Variants in VPS13B observed in about 807,000 individuals in gnomAD.
The protein encoded by VPS13B is vacuolar protein sorting 13 homolog B, also known as intermembrane lipid transfer protein VPS13B.
VPS13B carries 285 observed loss-of-function variants against 426.4 expected under a neutral mutation model. That is an observed-to-expected ratio of 0.67 (90% CI 0.61 to 0.74). VPS13B has a LOEUF of 0.74. Among genes scored for constraint, VPS13B ranks in the 30% least tolerant of loss-of-function variants. VPS13B has a pLI of 0.00. For synonymous variants in VPS13B, 1,676 were observed against 1,676.4 expected (o/e 1.00, Z 0.01); for missense variants, 4,537 against 4,782.6 (o/e 0.95, Z 1.51).
chr8:99,868,009 ACT>A (rs1435908077), intron 58 of VPS13B: 2 of 400,792 alleles, frequency 5.0e-6, no homozygotes, highest in East Asian at 1.2e-4. Context: ...TATGGATGAC[ACT>A]CTGAATAGCC....
At chr8:99,347,104 T>C (rs932943331) in intron 19 of VPS13B, 1 of 152,972 alleles carries the variant, frequency 6.5e-6, no homozygotes, top group African/African-American at 2.4e-5. Flanking sequence ...TGCTCAATAT[T>C]AGTGTAGATC....
intron 56 of VPS13B, among the ~76,000 whole-genome samples, chr8:99,856,102 C>T (rs936681031): frequency 1.3e-5 from 2 of 152,240 alleles, no homozygotes; most frequent in African/African-American, 4.8e-5. Flanking sequence ...ACGGGCCCTG[C>T]AGCCCGTGTG....
intron 21 of VPS13B, among the ~76,000 whole-genome samples, chr8:99,407,288 G>C (rs1371230402): frequency 6.6e-6 from 1 of 152,066 alleles, no homozygotes; most frequent in Non-Finnish European, 1.5e-5. Context: ...AAAGGTATAT[G>C]TAAATTTATG....
chr8:99,344,715 CT>C (rs1347453941), intron 19 of VPS13B, among the ~76,000 whole-genome samples: 2 of 150,918 alleles, frequency 1.3e-5, no homozygotes, highest in South Asian at 4.2e-4. Flanking sequence ...AGATGTTCCT[CT>C]TTTTTTTTCC....
intron 51 of VPS13B, among the ~76,000 whole-genome samples, chr8:99,830,534 G>A (rs1032979521): frequency 1.3e-5 from 2 of 152,158 alleles, no homozygotes; most frequent in African/African-American, 2.4e-5. Flanking sequence ...AGCCTGCTGG[G>A]CTCCCTGGGG....
At chr8:99,164,326 A>G (rs896435530) in intron 15 of VPS13B, among the ~76,000 whole-genome samples, 2 of 152,174 alleles carry the variant, frequency 1.3e-5, no homozygotes, top group African/African-American at 4.8e-5. Context: ...AGAGGTTGGT[A>G]TAAGTATTTG....
At chr8:99,196,808 A>G (rs1813963711) in intron 17 of VPS13B, among the ~76,000 whole-genome samples, 2 of 152,246 alleles carry the variant, frequency 1.3e-5, no homozygotes, top group South Asian at 2.1e-4. Flanking sequence ...TTCTATTACA[A>G]TGCCTTTTCT....
chr8:99,318,496 A>G (rs1809791144), intron 19 of VPS13B, among the ~76,000 whole-genome samples: 1 of 152,134 alleles, frequency 6.6e-6, no homozygotes, highest in African/African-American at 2.4e-5. Flanking sequence ...ATATCCTGTC[A>G]TTGAGAGTAA....
At chr8:99,588,813 C>G (rs190230830) in intron 33 of VPS13B, among the ~76,000 whole-genome samples, 56 of 151,874 alleles carry the variant, frequency 3.7e-4, no homozygotes, top group Admixed American at 2.6e-3. Flanking sequence ...ATTTCTTTCT[C>G]TTGCCTGATT....
At chr8:99,495,103 C>T (rs1408552636) in intron 25 of VPS13B, among the ~76,000 whole-genome samples, 1 of 152,104 alleles carries the variant, frequency 6.6e-6, no homozygotes, top group African/African-American at 2.4e-5. Context: ...CCATTCATCA[C>T]TCATTATCTT....
chr8:99,599,618 C>A (rs1328409608), intron 33 of VPS13B, among the ~76,000 whole-genome samples: 1 of 152,052 alleles, frequency 6.6e-6, no homozygotes, highest in Non-Finnish European at 1.5e-5. Flanking sequence ...AAGGAATAGA[C>A]TTTTAAGAAA....
intron 59 of VPS13B, 130 bp from the exon 60 acceptor site, chr8:99,870,655 C>A: frequency 1.3e-6 from 1 of 798,368 alleles, no homozygotes; most frequent in Non-Finnish European, 2.2e-6. Context: ...TATACGCTTG[C>A]TTCCAAAGAT....
Position 99,870,873 on chromosome 8 carries a change from T to A in VPS13B, c.11481T>A (p.His3827Gln). The change falls in exon 60 of 62, where the codon CAT becomes CAA. Residue 3827 changes from histidine (H) to glutamine (Q), a missense_variant. By Grantham distance (24) the His-to-Gln change is conservative. Coordinates refer to ENST00000357162, the MANE Select transcript of VPS13B (RefSeq NM_152564.5). ...DLHADQAPNS[H>Q]VKYVWKMLQS... ...ATGCTGACCAGGCTCCAAACAGCCA[T>A]GTCAAATATGTCTGGTAAAATTATT... 1.9e-6 allele frequency: 3 copies of A among 1,614,166 alleles called. No homozygotes were observed. Among genetic ancestry groups the A allele is most frequent in the African/African-American group, 1.3e-5 (1 of 75,066 alleles).
In VPS13B at chr8:99,823,910, A is replaced by C; in HGVS notation, c.9262A>C (p.Asn3088His). 6.2e-7 allele frequency: 1 copy of C among 1,613,642 alleles called. No individual in the cohort carries two copies. Among genetic ancestry groups the C allele is most frequent in the Non-Finnish European group, 8.5e-7 (1 of 1,179,824 alleles). Residue 3088 changes from asparagine to histidine, a missense_variant, in exon 51 of 62, where the codon AAT becomes CAT. Physicochemically the swap from Asn to His is moderately conservative, Grantham distance 68. This residue lies in a region of VPS13B where 4,311 missense variants were observed against 4,474.3 expected (regional missense o/e 0.96). Transcript: ENST00000357162. The part of the protein sequence containing the change: ...IQIEDKTTII[N>H]NTPYQIFYKP... ...GATTGAAGACAAGACTACAATAATC[A>C]ATAATACACCATATCAAATATTTTA...
intron 23 of VPS13B, among the ~76,000 whole-genome samples, chr8:99,445,294 A>G (rs1817859901): frequency 6.7e-6 from 1 of 149,236 alleles, no homozygotes; most frequent in Admixed American, 6.7e-5. Flanking sequence ...GCAAGACTTC[A>G]TCTCTACAAA....
chr8:99,381,833 A>G (rs1349149263), intron 19 of VPS13B, among the ~76,000 whole-genome samples: 1 of 151,952 alleles, frequency 6.6e-6, no homozygotes, highest in African/African-American at 2.4e-5. Context: ...GAGTTTGCAA[A>G]AATTTTCTCC....
rs368506604 is a variant in VPS13B at position 99,622,811 on chromosome 8, C to T, written c.5221-19000C>T. 1.7e-4 allele frequency among the ~76,000 whole-genome samples: 26 copies of T among 152,198 alleles called. No individual in the cohort carries two copies. In the East Asian group the frequency reaches 3.7e-3, roughly 22 times the overall value. On this transcript the variant is annotated intron_variant, in intron 33 of 61. Coordinates refer to ENST00000357162, the MANE Select transcript of VPS13B (RefSeq NM_152564.5). ...ACTCACCTCCTGTTTCTTTCTTAGACGTTGTATCTAATCTGTCAGGAGATC... is the reference window on the plus strand; with the variant it reads ...ACTCACCTCCTGTTTCTTTCTTAGATGTTGTATCTAATCTGTCAGGAGATC...
At chr8:99,272,370 C>T (rs1000701590) in intron 17 of VPS13B, among the ~76,000 whole-genome samples, 6 of 152,096 alleles carry the variant, frequency 3.9e-5, no homozygotes, top group Non-Finnish European at 5.9e-5. Context: ...AATTAGTTAC[C>T]TTCCCTAATC....
intron 36 of VPS13B, among the ~76,000 whole-genome samples, chr8:99,707,658 C>A (rs369666506): frequency 1.2e-4 from 19 of 152,272 alleles, no homozygotes; most frequent in African/African-American, 4.6e-4. Context: ...TTCATGATTT[C>A]TTTTAGGTTC....
Sources: gnomAD v4.1 joint callset for allele counts (sites outside exome capture counted in the v4.1 genomes callset) on GRCh38, gnomAD v4.1.1 for gene constraint, gnomAD v4.1.1 regional missense constraint, MANE v1.5 for transcripts, NCBI Gene and HGNC (gene_info 2026-07-23, HGNC 2026-07-21) for gene names.